TSPAN18: variants seen among roughly 807,000 people sequenced by gnomAD.
TSPAN18 encodes the protein tetraspanin-18.
A neutral mutation model predicts 27.3 loss-of-function variants in TSPAN18; 14 were observed. The ratio of observed to expected loss-of-function variants is 0.51; its 90% CI spans 0.34 to 0.80. TSPAN18 has a LOEUF of 0.80. Ranked by LOEUF, TSPAN18 falls within the 30% of genes least tolerant of loss-of-function variation. The pLI is 0.01. For synonymous variants in TSPAN18, 143 were observed against 136.5 expected, an observed-to-expected ratio of 1.05 and a Z score of -0.33; for missense variants, 268 against 323.9, an observed-to-expected ratio of 0.83 and a Z score of 1.32.
chr11:44,794,683 G>A (rs1301643689), intron 2 of TSPAN18, among the ~76,000 whole-genome samples: 1 of 151,430 alleles, frequency 6.6e-6, no homozygotes, highest in Non-Finnish European at 1.5e-5. Flanking sequence ...AAAAAAAAAA[G>A]GGAGAACTCA....
intron 2 of TSPAN18, among the ~76,000 whole-genome samples, chr11:44,812,935 G>A (rs1309484346): frequency 6.6e-6 from 1 of 152,178 alleles, no homozygotes. Context: ...AAAAATTAAT[G>A]CTTCATGTGT....
intron 3 of TSPAN18, among the ~76,000 whole-genome samples, chr11:44,877,572 C>A (rs1858371542): frequency 6.6e-6 from 1 of 152,130 alleles, no homozygotes; most frequent in Admixed American, 6.5e-5. Flanking sequence ...GTTAGATCAT[C>A]TCCCCGGGTG....
intron 1 of TSPAN18, among the ~76,000 whole-genome samples, chr11:44,741,449 G>A (rs76472662): frequency 9.8e-5 from 8 of 81,886 alleles, no homozygotes; most frequent in East Asian, 3.8e-3. Context: ...AGACATGTAT[G>A]TGTGTGTGTG....
intron 2 of TSPAN18, among the ~76,000 whole-genome samples, chr11:44,837,648 G>T (rs1360355447): frequency 6.6e-6 from 1 of 152,128 alleles, no homozygotes; most frequent in Non-Finnish European, 1.5e-5. Context: ...GATCGGTGTG[G>T]CAAACTTCAC....
chr11:44,814,897 G>C (rs3923246), intron 2 of TSPAN18, among the ~76,000 whole-genome samples: 1 of 152,098 alleles, frequency 6.6e-6, no homozygotes. Flanking sequence ...AATATGATAA[G>C]ATGGAAGGGT....
intron 2 of TSPAN18, among the ~76,000 whole-genome samples, chr11:44,784,031 G>C (rs910059499): frequency 3.3e-5 from 5 of 152,214 alleles, no homozygotes; most frequent in Non-Finnish European, 7.3e-5. Flanking sequence ...CTGAGGGAGA[G>C]ATTGTAGTAC....
At chr11:44,875,521 A>T (rs535698208) in intron 3 of TSPAN18, among the ~76,000 whole-genome samples, 1 of 152,346 alleles carries the variant, frequency 6.6e-6, no homozygotes, top group African/African-American at 2.4e-5. Flanking sequence ...CCCAATTCAC[A>T]GTGCTTGCTC....
chr11:44,781,829 T>C (rs1855946162), intron 2 of TSPAN18, among the ~76,000 whole-genome samples: 1 of 152,224 alleles, frequency 6.6e-6, no homozygotes, highest in East Asian at 1.9e-4. Context: ...AGTTCCCTCT[T>C]AGCCCTCCCC....
chr11:44,751,066 C>T lies in TSPAN18; in HGVS notation c.-239-13360C>T, dbSNP rs534524126. On this transcript the variant is annotated intron_variant, in intron 1 of 9. Transcript: ENST00000520358. ...TAATTAGAGGATGACTTTTAGGGCA[C>T]GTAAATGGGCAATACTATCAGAGCA... is the stretch of plus-strand genomic sequence containing the variant. Among the ~76,000 whole-genome samples the T allele has an allele frequency of 9.2e-5, 14 of 152,244 alleles. No individual in the cohort carries two copies. In the South Asian group the frequency reaches 1.7e-3, roughly 18 times the overall value.
intron 1 of TSPAN18, among the ~76,000 whole-genome samples, chr11:44,728,074 C>T (rs1489920116): frequency 2.6e-5 from 4 of 152,228 alleles, no homozygotes; most frequent in African/African-American, 7.2e-5. Flanking sequence ...GCGAGGCAAC[C>T]GCGCCGACAT....
At chr11:44,786,733 GC>G (rs543877415) in intron 2 of TSPAN18, among the ~76,000 whole-genome samples, 164 of 150,936 alleles carry the variant, frequency 1.1e-3, no homozygotes, top group African/African-American at 3.9e-3. Flanking sequence ...CTGGGTTCAA[GC>G]GATTCTCCTG....
chr11:44,896,353 T>C (rs961486358), intron 3 of TSPAN18, among the ~76,000 whole-genome samples: 2 of 152,176 alleles, frequency 1.3e-5, no homozygotes, highest in African/African-American at 4.8e-5. Context: ...AAGTCAATTC[T>C]CTCTCTTTTC....
At chr11:44,794,905 G>A (rs989127235) in intron 2 of TSPAN18, among the ~76,000 whole-genome samples, 18 of 152,208 alleles carry the variant, frequency 1.2e-4, no homozygotes, top group Non-Finnish European at 2.1e-4. Flanking sequence ...CATAGTAGGT[G>A]CTTAATAAAT....
chr11:44,932,050 C>T lies in TSPAN18; in HGVS notation c.*2872C>T, dbSNP rs1590716395. On this transcript the variant is annotated 3_prime_UTR_variant, in exon 10 of 10. Transcript: ENST00000520358. ...GGGTGAGGGCCCCTCCCCAGGGTCC[C>T]TGTTAATTTCTGGCCTTGGTGCTCA... The T allele has an allele frequency of 2.0e-5, 3 of 152,294 alleles. No homozygotes were observed. The highest frequency in any genetic ancestry group is 2.0e-4 in the Admixed American group (3 of 15,298). 9.4% of individuals were successfully genotyped at this position (152,294 alleles called of 1,614,324 possible).
At chr11:44,798,056 A>T (rs1198600084) in intron 2 of TSPAN18, among the ~76,000 whole-genome samples, 1 of 152,124 alleles carries the variant, frequency 6.6e-6, no homozygotes, top group Non-Finnish European at 1.5e-5. Context: ...TGCTGAGGTT[A>T]TTAACATCTG....
intron 2 of TSPAN18, among the ~76,000 whole-genome samples, chr11:44,819,381 G>A (rs1856880522): frequency 6.6e-6 from 1 of 152,178 alleles, no homozygotes; most frequent in African/African-American, 2.4e-5. Context: ...CAGGCTAATC[G>A]CAGGGGCCCA....
chr11:44,911,547 G>T (rs984705066), intron 5 of TSPAN18, among the ~76,000 whole-genome samples: 1 of 152,188 alleles, frequency 6.6e-6, no homozygotes, highest in African/African-American at 2.4e-5. Flanking sequence ...CACGGTGCTC[G>T]CAGAAGTCTT....
chr11:44,883,445 T>C (rs1388605400), intron 3 of TSPAN18, among the ~76,000 whole-genome samples: 1 of 152,188 alleles, frequency 6.6e-6, no homozygotes, highest in African/African-American at 2.4e-5. Context: ...GCGTGCTTCT[T>C]TTCCGTGTTT....
chr11:44,778,506 A>G (rs892780832), intron 2 of TSPAN18, among the ~76,000 whole-genome samples: 6 of 152,116 alleles, frequency 3.9e-5, no homozygotes, highest in African/African-American at 1.4e-4. Context: ...GCCTTCTAGT[A>G]GGTGGGTGGC....
Sources: allele counts gnomAD v4.1 joint callset (sites outside exome capture counted in the v4.1 genomes callset), GRCh38; gene constraint gnomAD v4.1.1; transcripts MANE v1.5; gene names NCBI Gene and HGNC (gene_info 2026-07-23, HGNC 2026-07-21).